The following HS6ST2 variants were observed in gnomAD, a reference collection of about 807,000 sequenced individuals.
The protein encoded by HS6ST2 is heparan-sulfate 6-O-sulfotransferase 2.
Under a neutral mutation model 33.0 loss-of-function variants are expected in HS6ST2, and 17 were observed. The ratio of observed to expected loss-of-function variants is 0.52; its 90% CI spans 0.35 to 0.77. HS6ST2 has a LOEUF of 0.77. Ranked by LOEUF, HS6ST2 falls within the 30% of genes least tolerant of loss-of-function variation. The probability of loss-of-function intolerance (pLI) is 0.01; values close to 1 mark genes in which losing one functional copy is unlikely to be tolerated. For synonymous variants in HS6ST2, 248 were observed against 237.1 expected (o/e 1.05, Z -0.42); for missense variants, 519 against 551.7 (o/e 0.94, Z 0.59).
chrX:132,894,825 T>C (rs915693013), intron 2 of HS6ST2, among the ~76,000 whole-genome samples: 1 of 112,091 alleles, frequency 8.9e-6, no homozygotes, highest in Non-Finnish European at 1.9e-5. Context: ...CATGAGCCAC[T>C]GAGCCCGGCC....
rs767314639 is a variant in HS6ST2, at chrX:132,774,244, T to C, written c.948-65750A>G. On this transcript the variant is annotated intron_variant, in intron 2 of 4. Transcript: ENST00000370833. ...AGCTTTACACAATCTGGCAGATGGG[T>C]GTGACTTTAGGTTTGGAGGAACTCC... is the stretch of plus-strand genomic sequence containing the variant. Among the ~76,000 whole-genome samples, 3 of 112,281 alleles carry C rather than the reference T, an allele frequency of 2.7e-5. No homozygotes were observed. In the South Asian group the frequency reaches 1.1e-3, roughly 42 times the overall value.
intron 2 of HS6ST2, among the ~76,000 whole-genome samples, chrX:132,780,431 T>C (rs1208875148): frequency 1.8e-5 from 2 of 111,190 alleles, no homozygotes; most frequent in Admixed American, 1.9e-4. Flanking sequence ...CCAGGCACTT[T>C]GCATGCATCC....
chrX:132,634,287 C>T (rs1458831288), intron 4 of HS6ST2, among the ~76,000 whole-genome samples: 3 of 112,144 alleles, frequency 2.7e-5, no homozygotes, highest in Non-Finnish European at 5.6e-5. Context: ...TGACATGAAA[C>T]TGAAGGGTGC....
intron 2 of HS6ST2, among the ~76,000 whole-genome samples, chrX:132,802,397 A>T (rs929004356): frequency 1.8e-5 from 2 of 111,939 alleles, no homozygotes; most frequent in African/African-American, 6.5e-5. Context: ...GCCCGGATGC[A>T]TCTTTTTTCT....
rs770992127 is a variant in HS6ST2, at chrX:132,958,239, G to A, written c.364C>T (p.Leu122=). The A allele has an allele frequency of 3.0e-5, 36 of 1,180,998 alleles. No homozygotes were observed. Among genetic ancestry groups the A allele is most frequent in the Non-Finnish European group, 3.6e-5 (32 of 886,265 alleles). Residue 122 remains leucine, a synonymous_variant, in exon 1 of 5, where the codon CTG becomes TTG. Transcript: ENST00000370833. ...RALLTRGLAA[L]GHSLKHVLGA... The stretch of plus-strand genomic sequence containing the variant: ...AGCACGTGCTTCAGCGAGTGGCCCA[G>A]GGCGGCCAGGCCCCGAGTGAGCAGG...
intron 2 of HS6ST2, among the ~76,000 whole-genome samples, chrX:132,785,448 C>T (rs890835882): frequency 2.4e-4 from 27 of 111,735 alleles, no homozygotes; most frequent in African/African-American, 8.5e-4. Flanking sequence ...ATCCTGACAA[C>T]AGGTTTACTC....
chrX:132,702,091 T>C (rs2064148699), intron 3 of HS6ST2, among the ~76,000 whole-genome samples: 1 of 112,395 alleles, frequency 8.9e-6, no homozygotes, highest in Non-Finnish European at 1.9e-5. Context: ...TCTGATACAC[T>C]GGAAAATGTT....
chrX:132,866,901 G>A (rs1226372598), intron 2 of HS6ST2, among the ~76,000 whole-genome samples: 5 of 107,457 alleles, frequency 4.7e-5, no homozygotes, highest in Admixed American at 2.0e-4. Flanking sequence ...GGGTTTTCTA[G>A]ATATACAATC....
intron 2 of HS6ST2, among the ~76,000 whole-genome samples, chrX:132,895,359 C>T (rs917762437): frequency 9.0e-6 from 1 of 111,156 alleles, no homozygotes; most frequent in Non-Finnish European, 1.9e-5. Context: ...TCTCAATAAA[C>T]GAAAAATATT....
chrX:132,767,701 C>T (rs769766843), intron 2 of HS6ST2, among the ~76,000 whole-genome samples: 7 of 111,401 alleles, frequency 6.3e-5, no homozygotes, highest in Non-Finnish European at 1.3e-4. Context: ...GCCAGGCCGC[C>T]ACTCCTCTCA....
At chrX:132,766,593 C>T (rs761802293) in intron 2 of HS6ST2, among the ~76,000 whole-genome samples, 12 of 111,786 alleles carry the variant, frequency 1.1e-4, no homozygotes, top group Non-Finnish European at 1.9e-4. Context: ...TAAAGACATA[C>T]GTGAGACTGG....
chrX:132,945,026 C>G (rs913880286), intron 2 of HS6ST2, among the ~76,000 whole-genome samples: 1 of 111,761 alleles, frequency 8.9e-6, no homozygotes, highest in Admixed American at 9.5e-5. Context: ...AACTCAAGAG[C>G]GTCTGCACAG....
intron 2 of HS6ST2, among the ~76,000 whole-genome samples, chrX:132,837,957 C>A (rs1342297940): frequency 8.9e-6 from 1 of 112,200 alleles, no homozygotes; most frequent in Non-Finnish European, 1.9e-5. Context: ...TTTTTCTCCT[C>A]ACAAAAGCAC....
chrX:132,941,155 T>C, intron 2 of HS6ST2, among the ~76,000 whole-genome samples: 1 of 111,982 alleles, frequency 8.9e-6, no homozygotes, highest in South Asian at 3.8e-4. Context: ...CTGCTAACTT[T>C]CATACATACG....
chrX:132,710,986 T>A (rs1049571088), intron 2 of HS6ST2, among the ~76,000 whole-genome samples: 3 of 111,581 alleles, frequency 2.7e-5, no homozygotes, highest in Non-Finnish European at 5.6e-5. Flanking sequence ...GCAGCAGCAC[T>A]GGAAGGACAA....
chrX:132,746,334 C>T (rs930147811), intron 2 of HS6ST2, among the ~76,000 whole-genome samples: 27 of 110,853 alleles, frequency 2.4e-4, no homozygotes, highest in Non-Finnish European at 3.6e-4. Flanking sequence ...AAACCCGTCT[C>T]TACTAAAAAT....
intron 2 of HS6ST2, among the ~76,000 whole-genome samples, chrX:132,931,674 C>T (rs945362498): frequency 6.3e-5 from 7 of 111,694 alleles, no homozygotes; most frequent in Non-Finnish European, 1.3e-4. Flanking sequence ...TTCCAAAGCT[C>T]TCCCCAAAGG....
At chrX:132,723,282 T>C (rs1389612969) in intron 2 of HS6ST2, among the ~76,000 whole-genome samples, 1 of 111,852 alleles carries the variant, frequency 8.9e-6, no homozygotes, top group East Asian at 2.8e-4. Flanking sequence ...ACTCAAACTA[T>C]TCTGGGAAAT....
Position 132,690,574 on chromosome X carries a change from C to T in HS6ST2, c.980+17888G>A, listed in dbSNP as rs146377812. On this transcript the variant is annotated intron_variant, in intron 3 of 4. Coordinates refer to ENST00000370833, the MANE Select transcript of HS6ST2 (RefSeq NM_001394073.1). ...CTCTTTATCTTCTTCTGTTTTGTCT[C>T]CACCCCAGTAACAACAGTTTATTTT... Among the ~76,000 whole-genome samples, 969 of 111,725 alleles carry T rather than the reference C, an allele frequency of 8.7e-3. 11 individuals are homozygous for T. Among genetic ancestry groups the T allele is most frequent in the African/African-American group, 0.03 (924 of 30,761 alleles).
Sources: allele counts gnomAD v4.1 joint callset (sites outside exome capture counted in the v4.1 genomes callset), GRCh38; gene constraint gnomAD v4.1.1; transcripts MANE v1.5; gene names NCBI Gene and HGNC (gene_info 2026-07-23, HGNC 2026-07-21).